Variants in NFE2L2 observed in about 807,000 individuals in gnomAD.
NFE2L2 encodes the protein nuclear factor erythroid 2-related factor 2.
NFE2L2 carries 20 observed loss-of-function variants against 49.6 expected under a neutral mutation model. That is an observed-to-expected ratio of 0.40 (90% CI 0.28 to 0.59). The LOEUF (loss-of-function observed/expected upper bound fraction) is 0.59. NFE2L2 is among the 20% of genes least tolerant of loss of function. The pLI is 0.40. For synonymous variants in NFE2L2, 244 were observed against 256.5 expected (o/e 0.95, Z 0.47); for missense variants, 578 against 714.2 (o/e 0.81, Z 2.17).
At chr2:177,235,242 A>G (rs1177706158) in intron 1 of NFE2L2, among the ~76,000 whole-genome samples, 1 of 151,656 alleles carries the variant, frequency 6.6e-6, no homozygotes, top group Non-Finnish European at 1.5e-5. Context: ...CCTGGGCAAC[A>G]TGGAGAGACC....
intron 1 of NFE2L2, among the ~76,000 whole-genome samples, chr2:177,257,999 G>A (rs62173695): frequency 0.28 from 41,983 of 152,164 alleles, 6,533 homozygotes; most frequent in Non-Finnish European, 0.37. Context: ...CTGACTGCTC[G>A]TTAGAATCCC....
At chr2:177,246,195 C>T (rs1470787899) in intron 1 of NFE2L2, among the ~76,000 whole-genome samples, 1 of 152,132 alleles carries the variant, frequency 6.6e-6, no homozygotes, top group Non-Finnish European at 1.5e-5. Flanking sequence ...CAAATCAGGC[C>T]AACGTAACTT....
chr2:177,233,743 C>T, intron 2 of NFE2L2: 4 of 563,236 alleles, frequency 7.1e-6, no homozygotes, highest in East Asian at 6.0e-5. Flanking sequence ...TTGATCCTTA[C>T]AGGATGTTTC....
At chr2:177,247,699 A>G (rs1264904743) in intron 1 of NFE2L2, among the ~76,000 whole-genome samples, 4 of 151,900 alleles carry the variant, frequency 2.6e-5, no homozygotes, top group Non-Finnish European at 4.4e-5. Flanking sequence ...AAAAAAAAAA[A>G]AAAGAAAAAA....
intron 1 of NFE2L2, 102 bp downstream of exon 1, chr2:177,264,430 G>T: frequency 7.9e-7 from 1 of 1,266,204 alleles, no homozygotes; most frequent in Non-Finnish European, 1.1e-6. Flanking sequence ...CTGGCCAGAC[G>T]TGGGGGAAGC....
intron 1 of NFE2L2, among the ~76,000 whole-genome samples, chr2:177,247,990 A>G (rs1170759505): frequency 2.0e-5 from 3 of 152,204 alleles, no homozygotes; most frequent in Non-Finnish European, 4.4e-5. Flanking sequence ...AGGTTGACCC[A>G]TCTACCGGCT....
chr2:177,230,499 A>G lies in NFE2L2; in HGVS notation c.*286T>C, dbSNP rs1241663009. 3.3e-6 allele frequency: 1 copy of G among 299,918 alleles called. No individual in the cohort carries two copies. Among genetic ancestry groups the G allele is most frequent in the African/African-American group, 2.1e-5 (1 of 46,930 alleles). 18.6% of individuals were successfully genotyped at this position (299,918 alleles called of 1,614,324 possible). On this transcript the variant is annotated 3_prime_UTR_variant, in exon 5 of 5. Coordinates refer to ENST00000397062, the MANE Select transcript of NFE2L2 (RefSeq NM_006164.5). The stretch of plus-strand genomic sequence containing the variant: ...ATCATCATATAAATCTATGAATATA[A>G]CAAATGACATAAGAACAGTATAAAT...
intron 1 of NFE2L2, among the ~76,000 whole-genome samples, chr2:177,244,214 T>C (rs1690041200): frequency 6.6e-6 from 1 of 151,168 alleles, no homozygotes; most frequent in Non-Finnish European, 1.5e-5. Flanking sequence ...GGCAGGAGAA[T>C]CGCTTGAACC....
intron 1 of NFE2L2, among the ~76,000 whole-genome samples, chr2:177,245,340 G>A (rs1428657513): frequency 1.3e-5 from 2 of 152,006 alleles, no homozygotes; most frequent in Non-Finnish European, 2.9e-5. Context: ...ATTTGTGCAG[G>A]GTCAGAGGTC....
At chr2:177,263,573 A>C in intron 1 of NFE2L2, 1 of 985,216 alleles carries the variant, frequency 1.0e-6, no homozygotes, top group Non-Finnish European at 1.2e-6. Flanking sequence ...GCTATAAAGC[A>C]GGAAAGGGCC....
intron 1 of NFE2L2, among the ~76,000 whole-genome samples, chr2:177,240,269 C>T (rs1190559026): frequency 2.0e-5 from 3 of 152,144 alleles, no homozygotes; most frequent in African/African-American, 7.2e-5. Context: ...GTGCAAGTCC[C>T]CCATGGAGGA....
intron 3 of NFE2L2, 160 bp downstream of exon 3, chr2:177,233,089 AG>A (rs1414525196): frequency 1.6e-6 from 1 of 629,070 alleles, no homozygotes; most frequent in Non-Finnish European, 2.7e-6. Flanking sequence ...TTATAGGCTA[AG>A]GTTTCCTTGA....
At chr2:177,256,978 C>G (rs961582322) in intron 1 of NFE2L2, among the ~76,000 whole-genome samples, 1 of 152,212 alleles carries the variant, frequency 6.6e-6, no homozygotes, top group Non-Finnish European at 1.5e-5. Context: ...TGCTGTGGCA[C>G]GCACACCCAC....
chr2:177,242,163 T>G (rs147752201), intron 1 of NFE2L2, among the ~76,000 whole-genome samples: 1 of 152,184 alleles, frequency 6.6e-6, no homozygotes, highest in African/African-American at 2.4e-5. Context: ...GTTGCTACAG[T>G]AAGTGTAAAG....
chr2:177,252,000 CAA>C (rs3082509), intron 1 of NFE2L2, among the ~76,000 whole-genome samples: 3 of 104,490 alleles, frequency 2.9e-5, no homozygotes, highest in Admixed American at 1.1e-4. Context: ...GACTCTGTCT[CAA>C]AAAAAAAAAA....
At chr2:177,236,771 G>A (rs969359904) in intron 1 of NFE2L2, among the ~76,000 whole-genome samples, 2 of 152,182 alleles carry the variant, frequency 1.3e-5, no homozygotes, top group Non-Finnish European at 2.9e-5. Context: ...ACCTAGTAAA[G>A]TGTAAATGCT....
At chr2:177,260,913 G>T (rs1176365063) in intron 1 of NFE2L2, among the ~76,000 whole-genome samples, 1 of 152,124 alleles carries the variant, frequency 6.6e-6, no homozygotes, top group Admixed American at 6.5e-5. Context: ...GCTCACACCT[G>T]TAATCCCAAC....
At chr2:177,238,030 T>C (rs1417736555) in intron 1 of NFE2L2, among the ~76,000 whole-genome samples, 1 of 152,192 alleles carries the variant, frequency 6.6e-6, no homozygotes, top group Non-Finnish European at 1.5e-5. Context: ...CTCTGTAAAA[T>C]AGGCAGTCCA....
chr2:177,249,948 T>C (rs578065281), intron 1 of NFE2L2, among the ~76,000 whole-genome samples: 29 of 152,334 alleles, frequency 1.9e-4, no homozygotes, highest in Middle Eastern at 6.8e-3. Context: ...TCCTCCACAC[T>C]CCTTAGGGGT....
Sources: allele counts gnomAD v4.1 joint callset (sites outside exome capture counted in the v4.1 genomes callset), GRCh38; gene constraint gnomAD v4.1.1; transcripts MANE v1.5; gene names NCBI Gene and HGNC (gene_info 2026-07-23, HGNC 2026-07-21).